Variants in CNTNAP2 observed in about 807,000 individuals in gnomAD.
The protein encoded by CNTNAP2 is contactin-associated protein-like 2.
Under a neutral mutation model 155.2 loss-of-function variants are expected in CNTNAP2, and 98 were observed. The observed-to-expected ratio is 0.63, with a 90% CI of 0.54 to 0.75. CNTNAP2 has a LOEUF of 0.75. Ranked by LOEUF, CNTNAP2 falls within the 30% of genes least tolerant of loss-of-function variation. The probability of loss-of-function intolerance (pLI) is 0.00; values close to 1 mark genes in which losing one functional copy is unlikely to be tolerated. For missense variants in CNTNAP2, 1,727 were observed against 1,688.1 expected, an observed-to-expected ratio of 1.02 and a Z score of -0.40; for synonymous variants, 651 against 631.2, an observed-to-expected ratio of 1.03 and a Z score of -0.47.
intron 1 of CNTNAP2, among the ~76,000 whole-genome samples, chr7:146,664,797 C>T (rs143884183): frequency 3.9e-5 from 6 of 152,176 alleles, no homozygotes; most frequent in African/African-American, 1.4e-4. Flanking sequence ...AGAAGTTAAA[C>T]CAATAATTTA....
At chr7:147,309,164 A>G (rs1295088345) in intron 9 of CNTNAP2, among the ~76,000 whole-genome samples, 1 of 152,178 alleles carries the variant, frequency 6.6e-6, no homozygotes, top group African/African-American at 2.4e-5. Flanking sequence ...CGCCTCTTAA[A>G]ATCTAAACTG....
At chr7:147,408,984 T>C (rs998514119) in intron 10 of CNTNAP2, among the ~76,000 whole-genome samples, 4 of 152,106 alleles carry the variant, frequency 2.6e-5, no homozygotes, top group African/African-American at 9.7e-5. Context: ...AGAGGGCTCA[T>C]TAGATGTGGA....
chr7:147,463,166 G>A (rs540845122), intron 10 of CNTNAP2, among the ~76,000 whole-genome samples: 2 of 152,160 alleles, frequency 1.3e-5, no homozygotes, highest in Admixed American at 6.5e-5. Flanking sequence ...GTGTGAAGAA[G>A]GCTAGAAGGC....
chr7:146,840,587 A>G (rs1222646476), intron 3 of CNTNAP2, among the ~76,000 whole-genome samples: 1 of 152,008 alleles, frequency 6.6e-6, no homozygotes, highest in African/African-American at 2.4e-5. Context: ...ATTAAACCAG[A>G]AGAAGAAGAA....
At chr7:146,905,186 AG>A (rs1796093285) in intron 3 of CNTNAP2, among the ~76,000 whole-genome samples, 1 of 151,868 alleles carries the variant, frequency 6.6e-6, no homozygotes, top group African/African-American at 2.4e-5. Flanking sequence ...ACTTATCAAA[AG>A]TTCCCTGGAG....
intron 13 of CNTNAP2, among the ~76,000 whole-genome samples, chr7:147,688,365 A>G (rs180971484): frequency 0.016 from 2,504 of 152,280 alleles, 223 homozygotes; most frequent in Admixed American, 0.15. Flanking sequence ...AAACTCTGAA[A>G]TGCGTGAAAG....
chr7:147,178,640 T>G (rs1442891173), intron 8 of CNTNAP2, among the ~76,000 whole-genome samples: 1 of 152,188 alleles, frequency 6.6e-6, no homozygotes, highest in Non-Finnish European at 1.5e-5. Context: ...GCCCTAGGAA[T>G]GGCTACCCTG....
chr7:146,252,417 C>T (rs958905341), intron 1 of CNTNAP2, among the ~76,000 whole-genome samples: 1 of 152,174 alleles, frequency 6.6e-6, no homozygotes, highest in Non-Finnish European at 1.5e-5. Flanking sequence ...TCTGGAAAGT[C>T]GCTCCTCCTT....
At chr7:147,001,732 G>A (rs1313870094) in intron 3 of CNTNAP2, among the ~76,000 whole-genome samples, 1 of 151,420 alleles carries the variant, frequency 6.6e-6, no homozygotes, top group Non-Finnish European at 1.5e-5. Flanking sequence ...ATGATCTGAA[G>A]TCCAGGTTCC....
chr7:148,040,747 C>G (rs758442728), intron 15 of CNTNAP2, among the ~76,000 whole-genome samples: 1 of 152,200 alleles, frequency 6.6e-6, no homozygotes, highest in Non-Finnish European at 1.5e-5. Flanking sequence ...AAACAAGAAA[C>G]TATTCCTGAC....
chr7:147,690,970 G>A (rs1269176124), intron 13 of CNTNAP2, among the ~76,000 whole-genome samples: 3 of 152,030 alleles, frequency 2.0e-5, no homozygotes, highest in Non-Finnish European at 4.4e-5. Flanking sequence ...TTATATAGCG[G>A]TGAACTTGTG....
chr7:146,950,614 G>C (rs375360127), intron 3 of CNTNAP2, among the ~76,000 whole-genome samples: 41 of 152,230 alleles, frequency 2.7e-4, no homozygotes, highest in African/African-American at 7.9e-4. Context: ...CCCTGCAAAG[G>C]ACATGAACTC....
At chr7:148,251,531 T>G (rs1474626194) in intron 20 of CNTNAP2, among the ~76,000 whole-genome samples, 2 of 152,190 alleles carry the variant, frequency 1.3e-5, no homozygotes, top group African/African-American at 4.8e-5. Context: ...AAAGGTGAAC[T>G]CAATCTCCAG....
At chr7:146,422,317 A>G (rs1190759917) in intron 1 of CNTNAP2, among the ~76,000 whole-genome samples, 1 of 149,966 alleles carries the variant, frequency 6.7e-6, no homozygotes, top group Admixed American at 6.7e-5. Flanking sequence ...ATAAGAATAT[A>G]TACATAAGAA....
intron 15 of CNTNAP2, among the ~76,000 whole-genome samples, chr7:148,027,589 T>C (rs1307873225): frequency 6.6e-6 from 1 of 152,200 alleles, no homozygotes; most frequent in Non-Finnish European, 1.5e-5. Flanking sequence ...GTTGAAAATA[T>C]AGATTTTTAG....
At chr7:147,449,552 G>A (rs1232110252) in intron 10 of CNTNAP2, among the ~76,000 whole-genome samples, 3 of 152,144 alleles carry the variant, frequency 2.0e-5, no homozygotes, top group Admixed American at 1.3e-4. Context: ...ACACTTCAAG[G>A]ACTGGAGAAA....
At chr7:146,778,481 T>C (rs1346295281) in intron 2 of CNTNAP2, among the ~76,000 whole-genome samples, 2 of 152,212 alleles carry the variant, frequency 1.3e-5, no homozygotes, top group Non-Finnish European at 2.9e-5. Flanking sequence ...TTGGTGCTGT[T>C]GTTTTCTTAT....
At chr7:146,507,723 T>C (rs1797406078) in intron 1 of CNTNAP2, among the ~76,000 whole-genome samples, 2 of 152,290 alleles carry the variant, frequency 1.3e-5, no homozygotes, top group South Asian at 2.1e-4. Flanking sequence ...TGCTGCCAAA[T>C]GTTGCTGTAG....
At chr7:147,954,496 A>G (rs1172479966) in intron 14 of CNTNAP2, among the ~76,000 whole-genome samples, 1 of 152,072 alleles carries the variant, frequency 6.6e-6, no homozygotes, top group Non-Finnish European at 1.5e-5. Flanking sequence ...CTGAAAGATG[A>G]TGACATAAAG....
Sources: gnomAD v4.1 joint callset for allele counts (sites outside exome capture counted in the v4.1 genomes callset) on GRCh38, gnomAD v4.1.1 for gene constraint, MANE v1.5 for transcripts, NCBI Gene and HGNC (gene_info 2026-07-23, HGNC 2026-07-21) for gene names.